TMEFF1: variants seen among roughly 807,000 people sequenced by gnomAD.
The protein encoded by TMEFF1 is transmembrane protein with EGF like and two follistatin like domains 1, also known as tomoregulin-1.
A neutral mutation model predicts 47.5 loss-of-function variants in TMEFF1; 20 were observed. That is an observed-to-expected ratio of 0.42 (90% CI 0.30 to 0.61). The LOEUF (loss-of-function observed/expected upper bound fraction) is 0.61. Ranked by LOEUF, TMEFF1 falls within the 20% of genes least tolerant of loss-of-function variation. TMEFF1 has a pLI of 0.19. For synonymous variants in TMEFF1, 162 were observed against 166.3 expected (o/e 0.97, Z 0.20); for missense variants, 411 against 471.1 (o/e 0.87, Z 1.18).
chr9:100,491,598 G>A (rs1837553572), intron 1 of TMEFF1, among the ~76,000 whole-genome samples: 1 of 152,160 alleles, frequency 6.6e-6, no homozygotes, highest in Non-Finnish European at 1.5e-5. Flanking sequence ...AACCAGGTTT[G>A]AAGACTCGAA....
intron 6 of TMEFF1, 55 bp from the exon 7 acceptor site, chr9:100,550,040 T>A: frequency 6.4e-7 from 1 of 1,572,106 alleles, no homozygotes; most frequent in African/African-American, 1.4e-5. Flanking sequence ...GGGAGTATCA[T>A]GATATGACTT....
chr9:100,531,411 A>G (rs1308440877), intron 5 of TMEFF1, among the ~76,000 whole-genome samples: 2 of 152,212 alleles, frequency 1.3e-5, no homozygotes, highest in African/African-American at 4.8e-5. Flanking sequence ...AAATCAGTGT[A>G]CAAAAATCAC....
chr9:100,572,180 A>C (rs1428427460), intron 8 of TMEFF1, among the ~76,000 whole-genome samples: 1 of 152,160 alleles, frequency 6.6e-6, no homozygotes, highest in Non-Finnish European at 1.5e-5. Context: ...TAAAAAGTGA[A>C]AAAAAGGAGT....
At chr9:100,532,436 C>T (rs1383011809) in intron 5 of TMEFF1, among the ~76,000 whole-genome samples, 2 of 152,152 alleles carry the variant, frequency 1.3e-5, no homozygotes, top group African/African-American at 4.8e-5. Flanking sequence ...AGGACATGAA[C>T]AGACATTTCT....
chr9:100,542,923 C>CTTT (rs34994276), intron 5 of TMEFF1, among the ~76,000 whole-genome samples: 122 of 104,550 alleles, frequency 1.2e-3, no homozygotes, highest in Middle Eastern at 5.9e-3. Context: ...CTCTCTCTCT[C>CTTT]TTTTTTTTTT....
chr9:100,527,840 C>T (rs371910456), intron 5 of TMEFF1, among the ~76,000 whole-genome samples: 12 of 152,184 alleles, frequency 7.9e-5, no homozygotes, highest in Admixed American at 2.6e-4. Flanking sequence ...TAAATGTCCC[C>T]GTCTGACAGC....
chr9:100,570,810 G>A (rs1403515299), intron 8 of TMEFF1, among the ~76,000 whole-genome samples: 1 of 151,994 alleles, frequency 6.6e-6, no homozygotes, highest in Admixed American at 6.6e-5. Context: ...TGTGCTTTGC[G>A]ATAAGCTGCC....
chr9:100,546,831 T>C (rs1838741027), intron 5 of TMEFF1, among the ~76,000 whole-genome samples: 1 of 152,228 alleles, frequency 6.6e-6, no homozygotes, highest in Non-Finnish European at 1.5e-5. Flanking sequence ...AACTAGATTT[T>C]ACTATTCTTG....
In TMEFF1 at chr9:100,508,855, A is replaced by G. The variant is rs1201410982; in HGVS notation, c.307-150A>G. The G allele has an allele frequency of 8.5e-6, 9 of 1,053,928 alleles. No homozygotes were observed. In the Admixed American group the frequency reaches 1.7e-4, roughly 20 times the overall value. The allele number at this position is 1,053,928 out of a possible 1,614,324, so 65.3% of individuals were successfully genotyped here. On this transcript the variant is annotated intron_variant, in intron 2 of 9. Transcript: ENST00000374879. Reference sequence around the variant, plus strand: ...GTGAAAAAAGGTATGAAGAAGTAGCATAATTCTTTTTAAGCCAAAAAAAAA... The same window carrying G: ...GTGAAAAAAGGTATGAAGAAGTAGCGTAATTCTTTTTAAGCCAAAAAAAAA...
At position 100,550,146 on chromosome 9, in the gene TMEFF1, G is replaced by T; in HGVS notation, c.761G>T (p.Arg254Leu). ...AAGAAAGATGATGGACTACAATATCGACCAGATGTGAAAGGTACTGAATCA... is the reference window on the plus strand; with the variant it reads ...AAGAAAGATGATGGACTACAATATCTACCAGATGTGAAAGGTACTGAATCA... ...LGKKDDGLQYRPDVKDASDQR... is the reference protein window; with the variant it reads ...LGKKDDGLQYLPDVKDASDQR... The change falls in exon 7 of 10, where the codon CGA becomes CTA. Residue 254 changes from arginine to leucine, a missense_variant. Transcript: ENST00000374879. 5 of 1,611,844 alleles carry T rather than the reference G, an allele frequency of 3.1e-6. No individual in the cohort carries two copies. The highest frequency in any genetic ancestry group is 4.2e-6 in the Non-Finnish European group (5 of 1,179,112).
At chr9:100,527,122 GAC>G (rs953208322) in intron 5 of TMEFF1, among the ~76,000 whole-genome samples, 1 of 151,322 alleles carries the variant, frequency 6.6e-6, no homozygotes, top group African/African-American at 2.4e-5. Context: ...CAGCCTGGGC[GAC>G]AGAGTGAAAC....
At chr9:100,544,886 T>G (rs1175096238) in intron 5 of TMEFF1, among the ~76,000 whole-genome samples, 1 of 152,190 alleles carries the variant, frequency 6.6e-6, no homozygotes, top group African/African-American at 2.4e-5. Flanking sequence ...AGTCAAATCT[T>G]AAAGTTCTAA....
intron 5 of TMEFF1, among the ~76,000 whole-genome samples, chr9:100,538,820 G>A (rs1026371568): frequency 6.6e-6 from 1 of 152,028 alleles, no homozygotes; most frequent in African/African-American, 2.4e-5. Flanking sequence ...TTTTACTTTC[G>A]ACGTTTGGAT....
At chr9:100,555,195 G>T (rs113694018) in intron 7 of TMEFF1, among the ~76,000 whole-genome samples, 1 of 135,580 alleles carries the variant, frequency 7.4e-6, no homozygotes, top group Non-Finnish European at 1.6e-5. Context: ...ACACACACAC[G>T]CACACACATT....
intron 4 of TMEFF1, among the ~76,000 whole-genome samples, chr9:100,514,563 A>C (rs1410453870): frequency 6.6e-6 from 1 of 152,028 alleles, no homozygotes; most frequent in Non-Finnish European, 1.5e-5. Flanking sequence ...ATATAATACA[A>C]TATTGGGCTG....
At chr9:100,474,641 G>A (rs1837188875) in intron 1 of TMEFF1, among the ~76,000 whole-genome samples, 1 of 152,086 alleles carries the variant, frequency 6.6e-6, no homozygotes, top group Non-Finnish European at 1.5e-5. Flanking sequence ...CCCTTGTGTA[G>A]CAAGGTGTAA....
chr9:100,473,711 G>A lies in TMEFF1; in HGVS notation c.167G>A (p.Gly56Asp). Residue 56 changes from glycine (G) to aspartate (D), a missense_variant, in exon 1 of 10, where the codon GGC becomes GAC. By Grantham distance (94) the Gly-to-Asp change is moderately conservative (BLOSUM62 -1). Transcript: ENST00000374879. The surrounding 1 kb of genome is among the most constrained non-coding windows in gnomAD (Gnocchi z 5.4). ...GGGGSGGDCP[G>D]GKGKSINCSE... ...GGCGGCAGCGGCGGGGACTGTCCCGGCGGCAAAGGCAAGAGCATCAACTGC... is the reference window on the plus strand; with the variant it reads ...GGCGGCAGCGGCGGGGACTGTCCCGACGGCAAAGGCAAGAGCATCAACTGC... The A allele has an allele frequency of 6.5e-7, 1 of 1,530,512 alleles. No homozygotes were observed. The highest frequency in any genetic ancestry group is 8.8e-7 in the Non-Finnish European group (1 of 1,137,688). The allele number at this position is 1,530,512 out of a possible 1,614,324, so 94.8% of individuals were successfully genotyped here.
intron 1 of TMEFF1, among the ~76,000 whole-genome samples, chr9:100,491,522 C>T (rs1024343920): frequency 2.0e-5 from 3 of 152,202 alleles, no homozygotes; most frequent in Admixed American, 6.5e-5. Flanking sequence ...CTTTCCCCAG[C>T]AGTGCTCTGA....
chr9:100,510,914 C>G (rs1837952321), intron 3 of TMEFF1, among the ~76,000 whole-genome samples: 1 of 152,132 alleles, frequency 6.6e-6, no homozygotes, highest in African/African-American at 2.4e-5. Flanking sequence ...TCTAGTGTAA[C>G]CAGCCCCAAC....
Sources: gnomAD v4.1 joint callset for allele counts (sites outside exome capture counted in the v4.1 genomes callset) on GRCh38, gnomAD v4.1.1 for gene constraint, Gnocchi (gnomAD v3.1) non-coding constraint, MANE v1.5 for transcripts, NCBI Gene and HGNC (gene_info 2026-07-23, HGNC 2026-07-21) for gene names.